KIFC3: variants seen among roughly 807,000 people sequenced by gnomAD.
KIFC3 encodes the protein kinesin family member C3, also known as kinesin-like protein KIFC3.
A neutral mutation model predicts 101.8 loss-of-function variants in KIFC3; 60 were observed. The observed-to-expected ratio is 0.59, with a 90% CI of 0.48 to 0.73. KIFC3 has a LOEUF of 0.73. KIFC3 is among the 30% of genes least tolerant of loss of function. The probability of loss-of-function intolerance (pLI) is 0.00; values close to 1 mark genes in which losing one functional copy is unlikely to be tolerated. For synonymous variants in KIFC3, 476 were observed against 482.7 expected (o/e 0.99, Z 0.18); for missense variants, 966 against 1,137.1 (o/e 0.85, Z 2.16).
upstream of KIFC3, chr16:57,802,637 G>T (rs1266239839): frequency 4.7e-6 from 5 of 1,061,842 alleles, no homozygotes; most frequent in Non-Finnish European, 5.8e-6. The surrounding 1 kb of genome is among the most constrained non-coding windows in gnomAD (Gnocchi z 5.0). Flanking sequence ...GCCCCCGCAG[G>T]TCTCCCGCCG....
At position 57,772,207 on chromosome 16, in the gene KIFC3, A is replaced by G. The variant is rs1555609192; in HGVS notation, c.381+16T>C. The G allele has an allele frequency of 1.9e-6, 3 of 1,611,854 alleles. No homozygotes were observed. Among genetic ancestry groups the G allele is most frequent in the East Asian group, 2.2e-5 (1 of 44,854 alleles). ...GCCAGGCCCTGCGCTACCCCAGGAC[A>G]GCCTTGTGGCCTCACCAGCTCAGAT... On this transcript the variant is annotated intron_variant, in intron 4 of 19. Coordinates refer to ENST00000445690, the MANE Select transcript of KIFC3 (RefSeq NM_001130100.2).
At chr16:57,822,413 C>T (rs191871180) in intron 1 of KIFC3, among the ~76,000 whole-genome samples, 37 of 152,220 alleles carry the variant, frequency 2.4e-4, no homozygotes, top group Middle Eastern at 3.4e-3. Context: ...TTTTAAAATG[C>T]CAATGTGGCT....
intron 1 of KIFC3, among the ~76,000 whole-genome samples, chr16:57,847,760 T>TGTGTG (rs2055964467): frequency 7.2e-6 from 1 of 139,708 alleles, no homozygotes; most frequent in Non-Finnish European, 1.6e-5. Flanking sequence ...CCAGATGAAT[T>TGTGTG]TGTGTGTGTG....
intron 1 of KIFC3, among the ~76,000 whole-genome samples, chr16:57,809,094 G>A (rs1459617163): frequency 6.6e-6 from 1 of 152,162 alleles, no homozygotes; most frequent in Non-Finnish European, 1.5e-5. Context: ...GAGTTGGTCA[G>A]CCTGGCCAAC....
intron 1 of KIFC3, among the ~76,000 whole-genome samples, chr16:57,826,694 C>T (rs529394579): frequency 2.6e-5 from 4 of 152,220 alleles, no homozygotes; most frequent in South Asian, 2.1e-4. Flanking sequence ...AAATTGTATC[C>T]GACCCTCACT....
At chr16:57,841,719 C>T (rs761471143) in intron 1 of KIFC3, among the ~76,000 whole-genome samples, 67 of 152,160 alleles carry the variant, frequency 4.4e-4, no homozygotes, top group Non-Finnish European at 9.3e-4. Flanking sequence ...TCTTTCCCAT[C>T]GCCCATGAGA....
chr16:57,815,813 C>A (rs1443486924), intron 1 of KIFC3, among the ~76,000 whole-genome samples: 1 of 152,216 alleles, frequency 6.6e-6, no homozygotes, highest in East Asian at 1.9e-4. Flanking sequence ...CACACACCCC[C>A]AAACACCCCC....
At chr16:57,795,221 G>A (rs1211052948) in intron 2 of KIFC3, 80 bp from the exon 3 acceptor site, 11 of 1,505,362 alleles carry the variant, frequency 7.3e-6, no homozygotes, top group Admixed American at 4.3e-5. Context: ...GGCCAGGGCC[G>A]CAGCTGAGCT....
At chr16:57,802,956 C>A, upstream of KIFC3, 1 of 1,534,958 alleles carries the variant, frequency 6.5e-7, no homozygotes, top group Non-Finnish European at 8.7e-7. The surrounding 1 kb of genome is among the most constrained non-coding windows in gnomAD (Gnocchi z 5.0). Flanking sequence ...CAAGCTCTTA[C>A]TCACGAGACA....
chr16:57,798,192 C>A lies in KIFC3; in HGVS notation c.52G>T (p.Gly18Cys). ...GGGGCCCGGCCCACTCTCCACAGGC[C>A]CCGCAGCGAGGGCGTGGCTCCCAGG... The part of the protein sequence containing the change: ...WNLGATPSLR[G>C]LWRVGRAPEP... Residue 18 changes from glycine (G) to cysteine (C), a missense_variant, in exon 2 of 20, where the codon GGC becomes TGC. Gly to Cys is a radical substitution (Grantham distance 159). Coordinates refer to ENST00000445690, the MANE Select transcript of KIFC3 (RefSeq NM_001130100.2). 4 of 1,543,904 alleles carry A rather than the reference C, an allele frequency of 2.6e-6. No individual in the cohort carries two copies. In the East Asian group the frequency reaches 9.7e-5, roughly 38 times the overall value.
rs142491009 is a variant in KIFC3 at position 57,791,002 on chromosome 16, G to A, written c.315+3997C>T. 1.7e-4 allele frequency: 142 copies of A among 815,794 alleles called. No homozygotes were observed. The African/African-American group carries it at 2.4e-3, about 14-fold the overall frequency. The allele number at this position is 815,794 out of a possible 1,614,324, so 50.5% of individuals were successfully genotyped here. On this transcript the variant is annotated intron_variant, in intron 3 of 19. Coordinates refer to ENST00000445690, the MANE Select transcript of KIFC3 (RefSeq NM_001130100.2). ...TAATCCCAGCACTTTGAGAGGCTGAGGCGGGTGGATCACCTGAGGTTAGGA... is the reference window on the plus strand; with the variant it reads ...TAATCCCAGCACTTTGAGAGGCTGAAGCGGGTGGATCACCTGAGGTTAGGA...
chr16:57,846,689 C>T (rs998894341), intron 1 of KIFC3, among the ~76,000 whole-genome samples: 1 of 152,218 alleles, frequency 6.6e-6, no homozygotes, highest in African/African-American at 2.4e-5. Flanking sequence ...TGGTTCAAGG[C>T]TGTACAACCG....
intron 1 of KIFC3, 39 bp from the exon 2 acceptor site, chr16:57,798,321 G>A: frequency 6.6e-7 from 1 of 1,517,098 alleles, no homozygotes; most frequent in Non-Finnish European, 8.9e-7. Context: ...TGAAGACCGT[G>A]GACCAGCACA....
intron 3 of KIFC3, among the ~76,000 whole-genome samples, chr16:57,790,053 T>C (rs2053720606): frequency 1.2e-5 from 1 of 82,936 alleles, no homozygotes; most frequent in African/African-American, 4.1e-5. Flanking sequence ...TTTTGCTTTC[T>C]TTTTCTTTCT....
chr16:57,803,248 G>C, upstream of KIFC3: 1 of 702,978 alleles, frequency 1.4e-6, no homozygotes, highest in Non-Finnish European at 2.6e-6. Context: ...TAGAGCCTCA[G>C]AAGAGGCCTG....
chr16:57,808,388 C>T (rs782032771), intron 1 of KIFC3, among the ~76,000 whole-genome samples: 1 of 152,010 alleles, frequency 6.6e-6, no homozygotes. Flanking sequence ...CTCCTCCTTG[C>T]TAAGTGTTCT....
intron 12 of KIFC3, 140 bp from the exon 13 acceptor site, chr16:57,762,410 C>T: frequency 1.2e-6 from 1 of 849,188 alleles, no homozygotes; most frequent in Admixed American, 3.0e-5. Flanking sequence ...CCACTGTCCC[C>T]CAAAATGCCC....
intron 7 of KIFC3, among the ~76,000 whole-genome samples, 192 bp from the exon 8 acceptor site, chr16:57,770,147 A>G (rs1555606631): frequency 6.6e-6 from 1 of 152,226 alleles, no homozygotes. Flanking sequence ...CATTGGCTCC[A>G]ACACCAACCC....
chr16:57,851,725 C>T (rs62039946), intron 1 of KIFC3, among the ~76,000 whole-genome samples: 12,580 of 150,268 alleles, frequency 0.084, 510 homozygotes, highest in South Asian at 0.13. Context: ...CACCACCACA[C>T]CCGGCTAATT....
Sources: gnomAD v4.1 joint callset for allele counts (sites outside exome capture counted in the v4.1 genomes callset) on GRCh38, gnomAD v4.1.1 for gene constraint, Gnocchi (gnomAD v3.1) non-coding constraint, MANE v1.5 for transcripts, NCBI Gene and HGNC (gene_info 2026-07-23, HGNC 2026-07-21) for gene names.